The following TMEM132C variants were observed in gnomAD, a reference collection of about 807,000 sequenced individuals.
TMEM132C encodes transmembrane protein 132C, also known as protein phosphatase 1, regulatory subunit 152.
TMEM132C carries 29 observed loss-of-function variants against 61.4 expected under a neutral mutation model. The observed-to-expected ratio is 0.47, with a 90% confidence interval of 0.35 to 0.64. The LOEUF (loss-of-function observed/expected upper bound fraction) is 0.64, where lower values mean the gene tolerates loss of function less well. TMEM132C is among the 30% of genes least tolerant of loss of function. The pLI is 0.00. For synonymous variants in TMEM132C, 656 were observed against 633.1 expected, an observed-to-expected ratio of 1.04 and a Z score of -0.54; for missense variants, 1,408 against 1,476.9, an observed-to-expected ratio of 0.95 and a Z score of 0.76.
At chr12:128,647,599 A>G (rs11837719) in intron 4 of TMEM132C, among the ~76,000 whole-genome samples, 4,815 of 142,406 alleles carry the variant, frequency 0.034, 222 homozygotes, top group African/African-American at 0.12. Flanking sequence ...TGTGTTTACT[A>G]GAGTCCATGA....
chr12:128,616,038 T>C, intron 3 of TMEM132C, 114 bp from the exon 4 acceptor site: 6 of 1,325,666 alleles, frequency 4.5e-6, no homozygotes, highest in Non-Finnish European at 6.1e-6. Context: ...ACCAAAACCC[T>C]GGAGCCATCC....
At chr12:128,696,368 C>T (rs1954764150) in intron 7 of TMEM132C, among the ~76,000 whole-genome samples, 2 of 152,178 alleles carry the variant, frequency 1.3e-5, no homozygotes, top group African/African-American at 4.8e-5. Context: ...GCACCCCCAT[C>T]CTACCTCTGA....
rs141236150 is a variant in TMEM132C, at chr12:128,340,513, T to C, written c.85+73026T>C. 2.3e-3 allele frequency among the ~76,000 whole-genome samples: 355 copies of C among 151,416 alleles called. 3 individuals are homozygous for C. The highest frequency in any genetic ancestry group is 0.01 in the Middle Eastern group (3 of 294). On this transcript the variant is annotated intron_variant, in intron 1 of 8. Coordinates refer to ENST00000435159, the MANE Select transcript of TMEM132C (RefSeq NM_001136103.3). ...AAAAAAGTAAGACCAGGGTGATACA[T>C]AGAGCAAAGACCCAGTATATTAATG...
Position 128,390,709 on chromosome 12 carries a change from A to G in TMEM132C, c.86-24023A>G, listed in dbSNP as rs184177115. On this transcript the variant is annotated intron_variant, in intron 1 of 8. Coordinates refer to ENST00000435159, the MANE Select transcript of TMEM132C (RefSeq NM_001136103.3). ...GGGTTTTAGTTCAGACAGGGACAGA[A>G]TCTGATTTCTGATGTATAAAGATCC... Among the ~76,000 whole-genome samples the G allele has an allele frequency of 7.8e-4, 119 of 152,266 alleles. 1 individual carries two copies. In the East Asian group the frequency reaches 0.017, roughly 22 times the overall value.
intron 3 of TMEM132C, among the ~76,000 whole-genome samples, chr12:128,601,079 A>C (rs927488178): frequency 1.3e-5 from 2 of 152,206 alleles, no homozygotes; most frequent in African/African-American, 4.8e-5. Flanking sequence ...GTCGTCTGTG[A>C]TATTTTGAAA....
chr12:128,705,976 G>A lies in TMEM132C; in HGVS notation c.3008G>A (p.Gly1003Glu), dbSNP rs1318155124. 1.3e-6 allele frequency: 2 copies of A among 1,551,506 alleles called. No homozygotes were observed. The highest frequency in any genetic ancestry group is 1.7e-6 in the Non-Finnish European group (2 of 1,147,006). Reference sequence around the variant, plus strand: ...ACCACCATCATAGACCGCGGACCGGGGGCCTGCGAGGAGAGCAACCATCTC... The same window carrying A: ...ACCACCATCATAGACCGCGGACCGGAGGCCTGCGAGGAGAGCAACCATCTC... Reference protein sequence around the residue: ...EHTTIIDRGPGACEESNHLLL... With the variant: ...EHTTIIDRGPEACEESNHLLL... The change falls in exon 9 of 9, where the codon GGG becomes GAG. Residue 1003 changes from glycine to glutamate, a missense_variant. By Grantham distance (98) the Gly-to-Glu change is moderately conservative. Transcript: ENST00000435159.
chr12:128,588,153 G>A (rs1875618370), intron 3 of TMEM132C, among the ~76,000 whole-genome samples: 1 of 152,168 alleles, frequency 6.6e-6, no homozygotes, highest in African/African-American at 2.4e-5. Flanking sequence ...TCTCTTTCTG[G>A]CTGGGTGCAG....
At chr12:128,294,526 G>T (rs1362838488) in intron 1 of TMEM132C, among the ~76,000 whole-genome samples, 2 of 152,302 alleles carry the variant, frequency 1.3e-5, no homozygotes, top group East Asian at 3.9e-4. Flanking sequence ...ATTGGCACCT[G>T]TCTTAGTCTG....
intron 2 of TMEM132C, among the ~76,000 whole-genome samples, chr12:128,484,499 TCTCC>T (rs1429191167): frequency 6.6e-6 from 1 of 152,154 alleles, no homozygotes; most frequent in Non-Finnish European, 1.5e-5. Context: ...TCTGGCCGAA[TCTCC>T]CTCCAAGACT....
chr12:128,342,377 A>T (rs1050708256), intron 1 of TMEM132C, among the ~76,000 whole-genome samples: 15 of 152,306 alleles, frequency 9.8e-5, no homozygotes, highest in African/African-American at 3.6e-4. Flanking sequence ...TTTGTGCTAG[A>T]TGCATTTTGA....
intron 2 of TMEM132C, among the ~76,000 whole-genome samples, chr12:128,516,972 A>G (rs1872738073): frequency 6.6e-6 from 1 of 151,868 alleles, no homozygotes; most frequent in South Asian, 2.1e-4. Context: ...CTGTAATACC[A>G]ACAATTTTGG....
chr12:128,571,984 A>T (rs751215040), intron 3 of TMEM132C, among the ~76,000 whole-genome samples: 6 of 152,254 alleles, frequency 3.9e-5, no homozygotes, highest in Non-Finnish European at 5.9e-5. Context: ...TCACCTGCTT[A>T]TCCCTGAACC....
chr12:128,576,973 A>G (rs564579385), intron 3 of TMEM132C, among the ~76,000 whole-genome samples: 35 of 152,322 alleles, frequency 2.3e-4, no homozygotes, highest in East Asian at 9.6e-4. Context: ...GTACCATCCA[A>G]TGGTTTTTAG....
intron 3 of TMEM132C, among the ~76,000 whole-genome samples, chr12:128,585,693 C>T (rs113827539): frequency 5.3e-5 from 8 of 152,292 alleles, no homozygotes; most frequent in Admixed American, 4.6e-4. Context: ...GCAGCGTGTG[C>T]GGTGTGCTAC....
At chr12:128,484,273 G>A (rs1027394815) in intron 2 of TMEM132C, among the ~76,000 whole-genome samples, 1 of 152,200 alleles carries the variant, frequency 6.6e-6, no homozygotes, top group Non-Finnish European at 1.5e-5. Flanking sequence ...TCAGATCACA[G>A]AAATGGCCAA....
intron 3 of TMEM132C, among the ~76,000 whole-genome samples, chr12:128,591,983 C>G (rs1243397290): frequency 7.2e-6 from 1 of 138,326 alleles, no homozygotes; most frequent in African/African-American, 2.7e-5. Context: ...ACCCGAGAGG[C>G]GGATGTTGCA....
intron 1 of TMEM132C, among the ~76,000 whole-genome samples, chr12:128,358,266 C>A (rs1276329315): frequency 6.6e-6 from 1 of 152,114 alleles, no homozygotes; most frequent in Non-Finnish European, 1.5e-5. Context: ...AGAAAGATTC[C>A]TACATATGCA....
At chr12:128,696,574 T>C (rs1291461831) in intron 7 of TMEM132C, among the ~76,000 whole-genome samples, 1 of 152,218 alleles carries the variant, frequency 6.6e-6, no homozygotes, top group Non-Finnish European at 1.5e-5. Flanking sequence ...ATCCTGCTCC[T>C]TCTTTTTCAC....
chr12:128,616,439 T>C, intron 4 of TMEM132C, 104 bp downstream of exon 4: 1 of 1,179,748 alleles, frequency 8.5e-7, no homozygotes, highest in Non-Finnish European at 1.2e-6. Context: ...TTTTATGGAG[T>C]GTTTACTTTC....
Sources: allele counts gnomAD v4.1 joint callset (sites outside exome capture counted in the v4.1 genomes callset), GRCh38; gene constraint gnomAD v4.1.1; transcripts MANE v1.5; gene names NCBI Gene and HGNC (gene_info 2026-07-23, HGNC 2026-07-21).